OLFM3: variants seen among roughly 807,000 people sequenced by gnomAD.
OLFM3 encodes olfactomedin 3, also known as noelin-3.
OLFM3 carries 20 observed loss-of-function variants against 48.6 expected under a neutral mutation model. The ratio of observed to expected loss-of-function variants is 0.41; its 90% CI spans 0.29 to 0.60. The LOEUF (loss-of-function observed/expected upper bound fraction) is 0.60. Among genes scored for constraint, OLFM3 ranks in the 20% least tolerant of loss-of-function variants. The pLI is 0.28. For synonymous variants in OLFM3, 222 were observed against 198.1 expected (o/e 1.12, Z -1.01); for missense variants, 437 against 544.3 (o/e 0.80, Z 1.96).
intron 1 of OLFM3, among the ~76,000 whole-genome samples, chr1:101,889,340 A>C (rs1254407387): frequency 6.6e-6 from 1 of 152,194 alleles, no homozygotes; most frequent in East Asian, 1.9e-4. Context: ...GGATGAGTTC[A>C]TGTCCTTTGT....
At chr1:101,921,058 A>G (rs1229342120) in intron 1 of OLFM3, among the ~76,000 whole-genome samples, 2 of 152,054 alleles carry the variant, frequency 1.3e-5, no homozygotes, top group African/African-American at 2.4e-5. Flanking sequence ...TACTTTTCCT[A>G]TTTCACTCAG....
chr1:101,816,472 T>C (rs558811887), intron 4 of OLFM3, among the ~76,000 whole-genome samples: 1 of 152,322 alleles, frequency 6.6e-6, no homozygotes, highest in African/African-American at 2.4e-5. Flanking sequence ...TCTTTCCTTT[T>C]ATAATTTTTG....
At chr1:101,960,373 G>C (rs961304199) in intron 1 of OLFM3, among the ~76,000 whole-genome samples, 2 of 152,186 alleles carry the variant, frequency 1.3e-5, no homozygotes, top group Non-Finnish European at 2.9e-5. Context: ...CGGGAGCTTA[G>C]AGCAAGGCAG....
At chr1:101,856,636 A>T (rs912171883) in intron 1 of OLFM3, among the ~76,000 whole-genome samples, 1 of 151,974 alleles carries the variant, frequency 6.6e-6, no homozygotes, top group African/African-American at 2.4e-5. Flanking sequence ...TTCCAGCTTA[A>T]TTATGTATTA....
chr1:101,994,801 G>T (rs1661514219), intron 1 of OLFM3, among the ~76,000 whole-genome samples: 1 of 151,818 alleles, frequency 6.6e-6, no homozygotes, highest in Admixed American at 6.6e-5. Flanking sequence ...ACACTGTATT[G>T]CAGTATGTGG....
chr1:101,810,062 T>C (rs557398445), intron 4 of OLFM3, among the ~76,000 whole-genome samples: 1 of 151,870 alleles, frequency 6.6e-6, no homozygotes, highest in African/African-American at 2.4e-5. Flanking sequence ...GAATTAAACA[T>C]TGGGAGAGGA....
intron 5 of OLFM3, among the ~76,000 whole-genome samples, chr1:101,805,366 T>A (rs965732904): frequency 6.6e-6 from 1 of 151,816 alleles, no homozygotes; most frequent in African/African-American, 2.4e-5. Flanking sequence ...TACCATAGAA[T>A]CTTCTAGAAA....
chr1:101,969,257 C>T (rs1241508779), intron 1 of OLFM3, among the ~76,000 whole-genome samples: 1 of 152,138 alleles, frequency 6.6e-6, no homozygotes, highest in African/African-American at 2.4e-5. Flanking sequence ...TCAAGCGATC[C>T]TCCTGCCTTA....
At chr1:101,930,549 T>A (rs1282791932) in intron 1 of OLFM3, among the ~76,000 whole-genome samples, 1 of 152,204 alleles carries the variant, frequency 6.6e-6, no homozygotes, top group Admixed American at 6.5e-5. Flanking sequence ...TGTTTATTAA[T>A]TCATGAAGAA....
intron 1 of OLFM3, among the ~76,000 whole-genome samples, chr1:101,985,986 C>G (rs1459625346): frequency 3.8e-5 from 5 of 130,228 alleles, no homozygotes; most frequent in South Asian, 2.5e-4. Flanking sequence ...TTTTTTTTGA[C>G]ACAGAGTCTC....
intron 1 of OLFM3, among the ~76,000 whole-genome samples, chr1:101,868,542 G>A (rs1382817945): frequency 6.6e-6 from 1 of 152,162 alleles, no homozygotes; most frequent in African/African-American, 2.4e-5. Flanking sequence ...AGAGGAAGCA[G>A]AACATACAAA....
At chr1:101,901,721 C>T (rs1658393220) in intron 1 of OLFM3, among the ~76,000 whole-genome samples, 1 of 151,920 alleles carries the variant, frequency 6.6e-6, no homozygotes, top group East Asian at 1.9e-4. Flanking sequence ...AGATAATTGA[C>T]TATGGGGCAA....
chr1:101,970,036 G>A (rs1660736624), intron 1 of OLFM3, among the ~76,000 whole-genome samples: 1 of 149,480 alleles, frequency 6.7e-6, no homozygotes, highest in African/African-American at 2.5e-5. Context: ...TTTTTTTTGA[G>A]ATGGAATCTT....
Position 101,866,088 on chromosome 1 carries a change from G to T in OLFM3, c.70-29063C>A, listed in dbSNP as rs1570575810. On this transcript the variant is annotated intron_variant, in intron 1 of 5. Coordinates refer to ENST00000370103, the MANE Select transcript of OLFM3 (RefSeq NM_058170.4). ...GTAGAGCACTAATGACCATTCATTT[G>T]TATATTTAAAATACAGCCAGATGAA... Among the ~76,000 whole-genome samples, 3 of 152,232 alleles carry T rather than the reference G, an allele frequency of 2.0e-5. No homozygotes were observed. In the South Asian group the frequency reaches 6.2e-4, roughly 32 times the overall value.
At chr1:101,887,379 A>G (rs559042427) in intron 1 of OLFM3, among the ~76,000 whole-genome samples, 13 of 152,162 alleles carry the variant, frequency 8.5e-5, no homozygotes, top group Admixed American at 7.9e-4. Context: ...ATGGCAAACC[A>G]ATAAAATATG....
chr1:101,835,386 C>T (rs185181971), intron 2 of OLFM3, among the ~76,000 whole-genome samples: 210 of 152,338 alleles, frequency 1.4e-3, no homozygotes, highest in Admixed American at 4.2e-3. Context: ...GAGTTCTCAG[C>T]TCATTGCAAC....
Position 101,996,751 on chromosome 1 carries a change from G to A in OLFM3, c.66C>T (p.Ser22=), listed in dbSNP as rs1661570752. 4.3e-6 allele frequency: 7 copies of A among 1,614,118 alleles called. No homozygotes were observed. Among genetic ancestry groups the A allele is most frequent in the South Asian group, 1.1e-5 (1 of 91,082 alleles). The change falls in exon 1 of 6, where the codon TCC becomes TCT. Residue 22 remains serine (S), a synonymous_variant. Transcript: ENST00000370103. The part of the protein sequence containing the change: ...LLSLFAGLDP[S]KTQISPKEGW... The stretch of plus-strand genomic sequence containing the variant: ...AGACTCAAAATATTGTTCATACCTT[G>A]GAAGGATCTAATCCGGCAAACAAAG...
chr1:101,828,427 T>C (rs1340521496), intron 3 of OLFM3, among the ~76,000 whole-genome samples: 1 of 152,220 alleles, frequency 6.6e-6, no homozygotes, highest in East Asian at 1.9e-4. Context: ...GATTTTGACA[T>C]ATAACTTCAG....
intron 5 of OLFM3, among the ~76,000 whole-genome samples, chr1:101,805,223 T>A (rs1570495252): frequency 1.9e-5 from 1 of 53,906 alleles, no homozygotes; most frequent in East Asian, 1.4e-3. Flanking sequence ...CATATGTCAA[T>A]GCAAATTACA....
Sources: gnomAD v4.1 joint callset for allele counts (sites outside exome capture counted in the v4.1 genomes callset) on GRCh38, gnomAD v4.1.1 for gene constraint, MANE v1.5 for transcripts, NCBI Gene and HGNC (gene_info 2026-07-23, HGNC 2026-07-21) for gene names.